The following SLC44A5 variants were observed in gnomAD, a reference collection of about 807,000 sequenced individuals.
SLC44A5 encodes the protein solute carrier family 44 member 5.
In SLC44A5, 57 loss-of-function variants were observed where a neutral mutation model predicts 101.8. That is an observed-to-expected ratio of 0.56 (90% CI 0.45 to 0.70). SLC44A5 has a LOEUF of 0.70. Among genes scored for constraint, SLC44A5 ranks in the 30% least tolerant of loss-of-function variants. The probability of loss-of-function intolerance (pLI) is 0.00; values close to 1 mark genes in which losing one functional copy is unlikely to be tolerated. For missense variants in SLC44A5, 737 were observed against 853.1 expected (o/e 0.86, Z 1.70); for synonymous variants, 281 against 290.9 (o/e 0.97, Z 0.35).
the SLC44A5 span, among the ~76,000 whole-genome samples, chr1:75,680,183 G>C: frequency 6.6e-6 from 1 of 152,012 alleles, no homozygotes; most frequent in Admixed American, 6.6e-5. Context: ...ACACCCCACT[G>C]TCAACATTAG....
chr1:75,243,868 G>A (rs1187752210), intron 7 of SLC44A5, among the ~76,000 whole-genome samples: 2 of 152,058 alleles, frequency 1.3e-5, no homozygotes, highest in Non-Finnish European at 2.9e-5. Flanking sequence ...GGGTGTTCAT[G>A]AGGGCAGATC....
chr1:75,474,059 G>A (rs1474122100), intron 2 of SLC44A5, among the ~76,000 whole-genome samples: 3 of 152,064 alleles, frequency 2.0e-5, no homozygotes, highest in African/African-American at 7.2e-5. Flanking sequence ...ATAAAAATGT[G>A]AGCAGATTTG....
chr1:75,299,597 C>T (rs911535903), intron 5 of SLC44A5, among the ~76,000 whole-genome samples: 6 of 152,214 alleles, frequency 3.9e-5, no homozygotes, highest in African/African-American at 1.4e-4. Flanking sequence ...TTTCCTAAGT[C>T]AGAATTTAAG....
At chr1:75,373,493 A>G (rs1570028162) in intron 3 of SLC44A5, among the ~76,000 whole-genome samples, 1 of 152,232 alleles carries the variant, frequency 6.6e-6, no homozygotes, top group East Asian at 1.9e-4. Context: ...TTGAACCTGC[A>G]TAGAACCCTG....
At chr1:75,209,457 G>C (rs10493561) in intron 23 of SLC44A5, among the ~76,000 whole-genome samples, 1 of 152,164 alleles carries the variant, frequency 6.6e-6, no homozygotes. Flanking sequence ...GACCTTACTC[G>C]TGCTCCTTCT....
chr1:75,544,039 T>C (rs1394429607), intron 1 of SLC44A5, among the ~76,000 whole-genome samples: 8 of 152,194 alleles, frequency 5.3e-5, no homozygotes, highest in African/African-American at 1.7e-4. Flanking sequence ...GGTTTGAAAG[T>C]TTTCCCCTCT....
chr1:75,675,891 C>T, the SLC44A5 span, among the ~76,000 whole-genome samples: 1 of 152,058 alleles, frequency 6.6e-6, no homozygotes, highest in African/African-American at 2.4e-5. Flanking sequence ...GGGCAAAGGA[C>T]ATGAACAGAT....
At chr1:75,428,730 C>T (rs1664449792) in intron 2 of SLC44A5, among the ~76,000 whole-genome samples, 1 of 152,108 alleles carries the variant, frequency 6.6e-6, no homozygotes, top group African/African-American at 2.4e-5. Flanking sequence ...TCTGTCATTC[C>T]AGTGTCTGAT....
intron 2 of SLC44A5, among the ~76,000 whole-genome samples, chr1:75,523,847 A>G (rs1670277034): frequency 2.0e-5 from 3 of 152,200 alleles, no homozygotes; most frequent in Non-Finnish European, 4.4e-5. Flanking sequence ...GTTGCTGCTA[A>G]ATCATACTAC....
the SLC44A5 span, among the ~76,000 whole-genome samples, chr1:75,699,351 C>T: frequency 2.0e-5 from 3 of 152,106 alleles, no homozygotes; most frequent in African/African-American, 4.8e-5. Context: ...CAATATTCAA[C>T]ATTCGTAAAG....
chr1:75,352,773 C>T (rs72684103), intron 3 of SLC44A5, among the ~76,000 whole-genome samples: 26 of 152,242 alleles, frequency 1.7e-4, no homozygotes, highest in Admixed American at 9.2e-4. Flanking sequence ...CCCCATACTA[C>T]GTGTATGTGC....
intron 2 of SLC44A5, among the ~76,000 whole-genome samples, chr1:75,487,555 T>G (rs1668218374): frequency 6.6e-6 from 1 of 152,158 alleles, no homozygotes; most frequent in East Asian, 1.9e-4. Context: ...TACTACAGAG[T>G]TGACTCAGAG....
chr1:75,269,195 A>T (rs967674886), intron 6 of SLC44A5, among the ~76,000 whole-genome samples: 1 of 152,042 alleles, frequency 6.6e-6, no homozygotes, highest in African/African-American at 2.4e-5. Context: ...TAGTTGAACT[A>T]TATTTCTATC....
Position 75,403,166 on chromosome 1 carries a change from G to T in SLC44A5, c.14-6545C>A, listed in dbSNP as rs558234840. On this transcript the variant is annotated intron_variant, in intron 2 of 23. Transcript: ENST00000370859. ...TCTAGATTCCAACTCTCTGGGCAGG[G>T]CATCTCTGAAAGAAAGGCAGCAGCC... Among the ~76,000 whole-genome samples the T allele has an allele frequency of 2.6e-5, 4 of 152,292 alleles. No individual in the cohort carries two copies. The East Asian group carries it at 7.7e-4, about 29-fold the overall frequency.
At chr1:75,542,210 T>C (rs211742) in intron 1 of SLC44A5, among the ~76,000 whole-genome samples, 6,596 of 152,170 alleles carry the variant, frequency 0.043, 173 homozygotes, top group Middle Eastern at 0.088. Context: ...GCTGCAGAAA[T>C]ATACAGAGAG....
At chr1:75,407,894 CA>C (rs1441615141) in intron 2 of SLC44A5, among the ~76,000 whole-genome samples, 1 of 152,156 alleles carries the variant, frequency 6.6e-6, no homozygotes, top group African/African-American at 2.4e-5. Flanking sequence ...TTCTGCACAG[CA>C]AAAGAAACTA....
chr1:75,681,643 C>T, the SLC44A5 span, among the ~76,000 whole-genome samples: 1 of 149,354 alleles, frequency 6.7e-6, no homozygotes, highest in African/African-American at 2.5e-5. Flanking sequence ...AAACCCACGG[C>T]CAATATCATA....
chr1:75,611,225 G>T, upstream of SLC44A5: 1 of 270,520 alleles, frequency 3.7e-6, no homozygotes, highest in Non-Finnish European at 5.7e-6. Flanking sequence ...CCTCAAAGGA[G>T]TCACTTGGAG....
the SLC44A5 span, among the ~76,000 whole-genome samples, chr1:75,680,367 G>A: frequency 1.3e-5 from 2 of 152,064 alleles, no homozygotes; most frequent in South Asian, 2.1e-4. Flanking sequence ...TGGAAGTAAA[G>A]CTCTCCTCAG....
Sources: gnomAD v4.1 joint callset for allele counts (sites outside exome capture counted in the v4.1 genomes callset) on GRCh38, gnomAD v4.1.1 for gene constraint, MANE v1.5 for transcripts, NCBI Gene and HGNC (gene_info 2026-07-23, HGNC 2026-07-21) for gene names.